The following KALRN variants were observed in gnomAD, a reference collection of about 807,000 sequenced individuals.
The protein encoded by KALRN is kalirin.
In KALRN, 70 loss-of-function variants were observed where a neutral mutation model predicts 353.7. The ratio of observed to expected loss-of-function variants is 0.20; its 90% CI spans 0.16 to 0.24. The LOEUF is 0.24. Among genes scored for constraint, KALRN ranks in the 10% least tolerant of loss-of-function variants. The pLI, the probability that KALRN is intolerant of heterozygous loss-of-function variation, is 1.00. For synonymous variants in KALRN, 1,391 were observed against 1,434.8 expected, an observed-to-expected ratio of 0.97 and a Z score of 0.69; for missense variants, 2,791 against 3,756.7, an observed-to-expected ratio of 0.74 and a Z score of 6.72.
intron 31 of KALRN, 86 bp downstream of exon 31, chr3:124,491,510 C>G: frequency 1.0e-6 from 1 of 957,940 alleles, no homozygotes; most frequent in Non-Finnish European, 1.5e-6. Context: ...AGCTAAGGCC[C>G]AGAGACTCTA....
At chr3:124,580,384 G>GGGGGGGGGGGGGGGGT (rs1398227667) in intron 34 of KALRN, among the ~76,000 whole-genome samples, 5 of 148,666 alleles carry the variant, frequency 3.4e-5, no homozygotes, top group Admixed American at 1.4e-4. Flanking sequence ...GGGGAGGGGG[G>GGGGGGGGGGGGGGGGT]ACTCAGGCAG....
chr3:124,417,061 A>G (rs1459376180), intron 14 of KALRN, among the ~76,000 whole-genome samples: 4 of 152,220 alleles, frequency 2.6e-5, no homozygotes, highest in African/African-American at 9.6e-5. Context: ...TTAACTTAAC[A>G]TCAGGCTCAG....
intron 34 of KALRN, among the ~76,000 whole-genome samples, chr3:124,620,662 A>G (rs1227230715): frequency 6.6e-6 from 1 of 152,202 alleles, no homozygotes; most frequent in African/African-American, 2.4e-5. Flanking sequence ...TCTCGCCTTT[A>G]ACTTCCAGAG....
At chr3:124,268,632 A>C in intron 4 of KALRN, 111 bp from the exon 5 acceptor site, 1 of 1,145,834 alleles carries the variant, frequency 8.7e-7, no homozygotes, top group South Asian at 1.4e-5. Context: ...TTTCCGAGGC[A>C]GGCTGTGGTC....
intron 33 of KALRN, among the ~76,000 whole-genome samples, chr3:124,516,343 A>G (rs117684583): frequency 0.014 from 2,203 of 152,304 alleles, 69 homozygotes; most frequent in East Asian, 0.07. Flanking sequence ...GATCCTGGGC[A>G]GGACTTCTCC....
rs1387994688 is a variant in KALRN, at chr3:124,374,507, G to C, written c.1771-10338G>C. 4 of 152,240 alleles carry C rather than the reference G, an allele frequency of 2.6e-5. No homozygotes were observed. In the East Asian group the frequency reaches 7.7e-4, roughly 29 times the overall value. 9.4% of individuals were successfully genotyped at this position (152,240 alleles called of 1,614,324 possible). A position where few individuals can be genotyped will look rare whatever the true frequency, so the allele number is the denominator to read the frequency against. Reference sequence around the variant, plus strand: ...AAACAGGGTGAAAGGACTTGAAAGAGCACTATGCTAACAGGGATAGAAGCA... The same window carrying C: ...AAACAGGGTGAAAGGACTTGAAAGACCACTATGCTAACAGGGATAGAAGCA... On this transcript the variant is annotated intron_variant, in intron 10 of 59. Transcript: ENST00000682506.
rs1342306420 is a variant in KALRN, at chr3:124,519,552, G to A, written c.4935+23139G>A. 5 of 985,244 alleles carry A rather than the reference G, an allele frequency of 5.1e-6. No individual in the cohort carries two copies. The African/African-American group carries it at 7.0e-5, about 14-fold the overall frequency. 61.0% of individuals were successfully genotyped at this position (985,244 alleles called of 1,614,324 possible). Reference sequence around the variant, plus strand: ...AAGTTGGGCTTATTTCCCTGGCTGGGTTATGGGGGAGGGCAGGGTAAAGGG... The same window carrying A: ...AAGTTGGGCTTATTTCCCTGGCTGGATTATGGGGGAGGGCAGGGTAAAGGG... On this transcript the variant is annotated intron_variant, in intron 33 of 59. Transcript: ENST00000682506.
chr3:124,128,089 AT>A (rs2064888671), intron 1 of KALRN, among the ~76,000 whole-genome samples: 1 of 152,144 alleles, frequency 6.6e-6, no homozygotes, highest in African/African-American at 2.4e-5. Context: ...TTCCCTCAAT[AT>A]TTATTAAGTA....
At position 124,655,605 on chromosome 3, in the gene KALRN, G is replaced by C. The variant is rs1184218137; in HGVS notation, c.5800G>C (p.Val1934Leu). ...TGTTCTTAATCTCCTGCTCAGGTTT[G>C]TCCTGAATGAGCTGGTACAGACAGA... ...KAKALRGRMF[V>L]LNELVQTEKD... Residue 1934 changes from valine to leucine, a missense_variant, in exon 39 of 60, where the codon GTC (valine) becomes CTC (leucine). Around this residue, in one of 11 missense-constraint regions of KALRN, gnomAD observed 1,065 missense variants for 1,156.4 expected, o/e 0.92. Transcript: ENST00000682506. 29 of 1,613,128 alleles carry C rather than the reference G, an allele frequency of 1.8e-5. No homozygotes were observed. Among genetic ancestry groups the C allele is most frequent in the Non-Finnish European group, 2.4e-5 (28 of 1,179,172 alleles).
At chr3:124,327,483 A>C (rs932749617) in intron 7 of KALRN, among the ~76,000 whole-genome samples, 1 of 152,220 alleles carries the variant, frequency 6.6e-6, no homozygotes, top group African/African-American at 2.4e-5. Flanking sequence ...TAAATATACA[A>C]TACAGAGTAT....
chr3:124,466,213 G>A (rs756636348), intron 25 of KALRN, among the ~76,000 whole-genome samples: 17 of 152,096 alleles, frequency 1.1e-4, no homozygotes, highest in South Asian at 4.1e-4. Flanking sequence ...AACACAAACC[G>A]GAGACTGAAG....
intron 1 of KALRN, among the ~76,000 whole-genome samples, chr3:124,038,335 G>A (rs979472821): frequency 6.6e-6 from 1 of 152,116 alleles, no homozygotes; most frequent in African/African-American, 2.4e-5. Flanking sequence ...GTGGGAATCA[G>A]CTACTTGCAG....
At chr3:124,430,890 A>G (rs2093241708) in intron 16 of KALRN, 115 bp downstream of exon 16, 3 of 1,291,680 alleles carry the variant, frequency 2.3e-6, no homozygotes, top group Middle Eastern at 2.6e-4. Flanking sequence ...TACCCCTTCT[A>G]GTAGAATGGT....
rs564324711 is a variant in KALRN at position 124,257,251 on chromosome 3, T to C, written c.264-7247T>C. On this transcript the variant is annotated intron_variant, in intron 3 of 59. Transcript: ENST00000682506. ...ACAAAGTGAGTTTTTATCATTAAACTCTCAAAAACCACACCTAAGAGTGCT... is the reference window on the plus strand; with the variant it reads ...ACAAAGTGAGTTTTTATCATTAAACCCTCAAAAACCACACCTAAGAGTGCT... 3.3e-5 allele frequency among the ~76,000 whole-genome samples: 5 copies of C among 152,360 alleles called. No individual in the cohort carries two copies. In the East Asian group the frequency reaches 9.6e-4, roughly 29 times the overall value.
At chr3:124,156,870 C>T (rs943475485) in intron 1 of KALRN, among the ~76,000 whole-genome samples, 2 of 152,188 alleles carry the variant, frequency 1.3e-5, no homozygotes, top group Non-Finnish European at 2.9e-5. Context: ...AAGCCTTTGC[C>T]ACCCTAGACG....
chr3:124,335,439 C>T (rs1423640772), intron 9 of KALRN, among the ~76,000 whole-genome samples: 1 of 152,092 alleles, frequency 6.6e-6, no homozygotes, highest in Non-Finnish European at 1.5e-5. Flanking sequence ...ATGTTTCTGA[C>T]CACAAAAGGA....
intron 34 of KALRN, among the ~76,000 whole-genome samples, chr3:124,614,739 T>C (rs2078380423): frequency 6.6e-6 from 1 of 152,024 alleles, no homozygotes; most frequent in Non-Finnish European, 1.5e-5. Context: ...CCAGCTAATT[T>C]ATTTTTTATT....
intron 14 of KALRN, among the ~76,000 whole-genome samples, chr3:124,414,951 A>G (rs2092413721): frequency 6.6e-6 from 1 of 152,220 alleles, no homozygotes; most frequent in Non-Finnish European, 1.5e-5. Flanking sequence ...GTTTCTTTCG[A>G]TGACCTGAAA....
At chr3:124,555,946 A>G (rs1483006632) in intron 33 of KALRN, among the ~76,000 whole-genome samples, 1 of 152,178 alleles carries the variant, frequency 6.6e-6, no homozygotes, top group Non-Finnish European at 1.5e-5. Flanking sequence ...TGTGTTAGAG[A>G]TTCAATATAG....
Sources: gnomAD v4.1 joint callset for allele counts (sites outside exome capture counted in the v4.1 genomes callset) on GRCh38, gnomAD v4.1.1 for gene constraint, gnomAD v4.1.1 regional missense constraint, MANE v1.5 for transcripts, NCBI Gene and HGNC (gene_info 2026-07-23, HGNC 2026-07-21) for gene names.